GALNT13: variants seen among roughly 807,000 people sequenced by gnomAD.
The protein encoded by GALNT13 is UDP-GalNAc:polypeptide N-acetylgalactosaminyltransferase 13.
A neutral mutation model predicts 64.2 loss-of-function variants in GALNT13; 28 were observed. That is an observed-to-expected ratio of 0.44 (90% CI 0.32 to 0.60). The LOEUF (loss-of-function observed/expected upper bound fraction) is 0.60, where lower values mean the gene tolerates loss of function less well. GALNT13 is among the 20% of genes least tolerant of loss of function. The pLI is 0.05. For missense variants in GALNT13, 577 were observed against 669.8 expected (o/e 0.86, Z 1.53); for synonymous variants, 214 against 224.6 (o/e 0.95, Z 0.42).
At chr2:153,482,103 T>A in the GALNT13 span, among the ~76,000 whole-genome samples, 1 of 152,098 alleles carries the variant, frequency 6.6e-6, no homozygotes, top group Admixed American at 6.6e-5. Context: ...ATACCTAAGC[T>A]CATATATTTC....
the GALNT13 span, among the ~76,000 whole-genome samples, chr2:153,312,200 A>T: frequency 1.3e-5 from 2 of 152,196 alleles, no homozygotes; most frequent in Admixed American, 1.3e-4. Context: ...CTGACTTTCT[A>T]CGGGACAGTC....
the GALNT13 span, among the ~76,000 whole-genome samples, chr2:153,717,560 TCAA>T: frequency 1.3e-5 from 2 of 152,252 alleles, no homozygotes; most frequent in African/African-American, 2.4e-5. Context: ...AAAAATTATG[TCAA>T]CGTTATTGCT....
intron 11 of GALNT13, among the ~76,000 whole-genome samples, chr2:154,419,308 G>C (rs1700153785): frequency 6.6e-6 from 1 of 152,080 alleles, no homozygotes; most frequent in South Asian, 2.1e-4. Flanking sequence ...AATATGTCAT[G>C]TTTGGCCCTT....
chr2:153,191,702 A>G, the GALNT13 span, among the ~76,000 whole-genome samples: 1 of 147,490 alleles, frequency 6.8e-6, no homozygotes, highest in African/African-American at 2.5e-5. Flanking sequence ...TGGGCTTGAA[A>G]GACTTTTTTT....
chr2:154,247,370 G>A (rs78962437), intron 7 of GALNT13, among the ~76,000 whole-genome samples: 1,780 of 152,018 alleles, frequency 0.012, 34 homozygotes, highest in African/African-American at 0.041. Flanking sequence ...TTCATTTAGT[G>A]TTAGCTGATT....
At chr2:154,375,742 G>A (rs936045051) in intron 9 of GALNT13, among the ~76,000 whole-genome samples, 6 of 152,066 alleles carry the variant, frequency 3.9e-5, no homozygotes, top group African/African-American at 7.2e-5. Flanking sequence ...TTTCTGATAC[G>A]CTCTTAGGAG....
the GALNT13 span, among the ~76,000 whole-genome samples, chr2:153,282,407 A>G: frequency 6.6e-6 from 1 of 151,874 alleles, no homozygotes; most frequent in Non-Finnish European, 1.5e-5. Flanking sequence ...TAATTGCTGG[A>G]TAGCTAGTGT....
chr2:154,142,939 T>C (rs969655861), intron 4 of GALNT13, among the ~76,000 whole-genome samples: 2 of 152,128 alleles, frequency 1.3e-5, no homozygotes, highest in African/African-American at 4.8e-5. Context: ...CGAAGCAATT[T>C]TGAGCATTTT....
intron 2 of GALNT13, among the ~76,000 whole-genome samples, chr2:153,940,372 C>T (rs1574161331): frequency 3.3e-5 from 5 of 151,714 alleles, no homozygotes; most frequent in Admixed American, 3.3e-4. Context: ...ATTTTCCTGC[C>T]TCTGCCTCCT....
the GALNT13 span, among the ~76,000 whole-genome samples, chr2:153,556,617 T>G: frequency 4.6e-5 from 7 of 152,318 alleles, no homozygotes; most frequent in African/African-American, 1.7e-4. Flanking sequence ...CAAGCCATAT[T>G]CTGAAAACTC....
the GALNT13 span, among the ~76,000 whole-genome samples, chr2:153,425,032 C>T: frequency 2.0e-5 from 3 of 151,548 alleles, no homozygotes; most frequent in African/African-American, 7.3e-5. Flanking sequence ...ACATTTGATA[C>T]CATTTATGTA....
intron 10 of GALNT13, among the ~76,000 whole-genome samples, chr2:154,402,398 A>G (rs1180867038): frequency 1.3e-5 from 2 of 152,238 alleles, no homozygotes; most frequent in Non-Finnish European, 2.9e-5. Flanking sequence ...ACATTTAGAA[A>G]AAGTCTTGCT....
the GALNT13 span, chr2:153,370,644 C>T: frequency 1.3e-5 from 2 of 152,174 alleles, no homozygotes; most frequent in African/African-American, 4.8e-5. Flanking sequence ...CCCTGCTCTT[C>T]CCAAAGCCAA....
chr2:153,477,834 C>G, the GALNT13 span: 2 of 200,674 alleles, frequency 1.0e-5, no homozygotes, highest in Non-Finnish European at 2.0e-5. Context: ...TAACAGGTCA[C>G]TCTTCCGGTC....
At chr2:153,450,516 A>G in the GALNT13 span, among the ~76,000 whole-genome samples, 1 of 151,878 alleles carries the variant, frequency 6.6e-6, no homozygotes, top group South Asian at 2.1e-4. Flanking sequence ...TCTTTAGATG[A>G]TGTATTGGAT....
intron 2 of GALNT13, among the ~76,000 whole-genome samples, chr2:153,905,759 T>G (rs555023853): frequency 6.6e-6 from 1 of 152,140 alleles, no homozygotes; most frequent in East Asian, 1.9e-4. Context: ...ATTATTTTCT[T>G]AAAGGAAACA....
chr2:153,918,804 G>A (rs1689566065), intron 2 of GALNT13, among the ~76,000 whole-genome samples: 1 of 152,008 alleles, frequency 6.6e-6, no homozygotes, highest in African/African-American at 2.4e-5. Context: ...AAATGCATTT[G>A]TGCATAAATC....
At chr2:153,949,271 G>A (rs990260105) in intron 3 of GALNT13, among the ~76,000 whole-genome samples, 3 of 152,028 alleles carry the variant, frequency 2.0e-5, no homozygotes, top group African/African-American at 7.2e-5. Context: ...CTTATGCAAC[G>A]AATGACTGAA....
the GALNT13 span, among the ~76,000 whole-genome samples, chr2:153,507,530 C>T: frequency 5.9e-5 from 9 of 152,144 alleles, no homozygotes; most frequent in Non-Finnish European, 7.3e-5. Context: ...CCACTAGCCT[C>T]GGCCTCCCAA....
Sources: gnomAD v4.1 joint callset for allele counts (sites outside exome capture counted in the v4.1 genomes callset) on GRCh38, gnomAD v4.1.1 for gene constraint, MANE v1.5 for transcripts, NCBI Gene and HGNC (gene_info 2026-07-23, HGNC 2026-07-21) for gene names.